Variants in FRMD5 observed in about 807,000 individuals in gnomAD.
FRMD5 encodes the protein FERM domain-containing protein 5.
Under a neutral mutation model 69.0 loss-of-function variants are expected in FRMD5, and 20 were observed. That is an observed-to-expected ratio of 0.29 (90% CI 0.20 to 0.42). The LOEUF (loss-of-function observed/expected upper bound fraction) is 0.42. Ranked by LOEUF, FRMD5 falls within the 10% of genes least tolerant of loss-of-function variation. The probability of loss-of-function intolerance (pLI) is 1.00; values close to 1 mark genes in which losing one functional copy is unlikely to be tolerated. For missense variants in FRMD5, 595 were observed against 708.6 expected (o/e 0.84, Z 1.82); for synonymous variants, 271 against 260.1 (o/e 1.04, Z -0.40).
intron 13 of FRMD5, among the ~76,000 whole-genome samples, chr15:43,881,019 A>T (rs1323577399): frequency 6.6e-6 from 1 of 152,152 alleles, no homozygotes; most frequent in African/African-American, 2.4e-5. Flanking sequence ...CCTACTTGGC[A>T]GCAACTCTCA....
intron 8 of FRMD5, among the ~76,000 whole-genome samples, chr15:43,891,029 C>G (rs1334869545): frequency 1.3e-5 from 2 of 152,192 alleles, no homozygotes; most frequent in Non-Finnish European, 2.9e-5. Flanking sequence ...GACTTCCCCC[C>G]ACTGAGCTCT....
intron 1 of FRMD5, among the ~76,000 whole-genome samples, chr15:44,125,367 A>T (rs1444341375): frequency 6.6e-6 from 1 of 152,198 alleles, no homozygotes; most frequent in Non-Finnish European, 1.5e-5. Context: ...ATTCTATCAG[A>T]GAAGAACAGG....
chr15:44,171,319 C>G (rs1005754462), intron 1 of FRMD5, among the ~76,000 whole-genome samples: 2 of 152,178 alleles, frequency 1.3e-5, no homozygotes, highest in African/African-American at 4.8e-5. Context: ...TATTTTAAAG[C>G]AGTCATTCTA....
chr15:44,144,300 T>G (rs554437665), intron 1 of FRMD5, among the ~76,000 whole-genome samples: 2 of 152,310 alleles, frequency 1.3e-5, no homozygotes, highest in East Asian at 3.9e-4. Flanking sequence ...AAAAGGAACT[T>G]GTAAGTAAAT....
At position 43,873,405 on chromosome 15, in the gene FRMD5, T is replaced by C. The variant is rs2088218468; in HGVS notation, c.*480A>G. The C allele has an allele frequency of 6.9e-7, 1 of 1,439,730 alleles. No homozygotes were observed. Among genetic ancestry groups the C allele is most frequent in the African/African-American group, 1.4e-5 (1 of 69,736 alleles). The allele number at this position is 1,439,730 out of a possible 1,614,324, so 89.2% of individuals were successfully genotyped here. ...GATCCCTGGCCTGCCCTGCTGAGGC[T>C]GCAGTGATGAGTCTACTGGAACCCA... On this transcript the variant is annotated 3_prime_UTR_variant, in exon 14 of 14. Transcript: ENST00000417257.
At chr15:44,192,401 T>G (rs2078211933) in intron 1 of FRMD5, among the ~76,000 whole-genome samples, 1 of 152,148 alleles carries the variant, frequency 6.6e-6, no homozygotes, top group Admixed American at 6.5e-5. Flanking sequence ...AATAGATACT[T>G]TATTTAAACA....
intron 1 of FRMD5, among the ~76,000 whole-genome samples, chr15:44,149,819 C>G (rs2077414645): frequency 6.6e-6 from 1 of 151,948 alleles, no homozygotes; most frequent in Admixed American, 6.6e-5. Flanking sequence ...GCAGCACTAC[C>G]CTAATAGCAA....
At chr15:43,969,582 T>C (rs1282635119) in intron 1 of FRMD5, among the ~76,000 whole-genome samples, 1 of 152,254 alleles carries the variant, frequency 6.6e-6, no homozygotes, top group African/African-American at 2.4e-5. Flanking sequence ...GTGGAATTTC[T>C]ATATATAAAT....
At chr15:44,194,621 C>T in intron 1 of FRMD5, 1 of 392,436 alleles carries the variant, frequency 2.5e-6, no homozygotes, top group East Asian at 6.8e-5. Flanking sequence ...CCCTACCCGC[C>T]TCCCTCCGGG....
chr15:44,058,582 C>T (rs184369537), intron 1 of FRMD5, among the ~76,000 whole-genome samples: 3 of 152,078 alleles, frequency 2.0e-5, no homozygotes, highest in South Asian at 2.1e-4. Flanking sequence ...GTCGGGAGAT[C>T]GAGACCATCC....
chr15:44,100,992 T>C (rs921674440), intron 1 of FRMD5, among the ~76,000 whole-genome samples: 2 of 151,320 alleles, frequency 1.3e-5, no homozygotes, highest in African/African-American at 4.9e-5. Flanking sequence ...CTACTAAAAA[T>C]ACAAAAATTA....
chr15:43,984,198 G>C (rs1889273725), intron 1 of FRMD5, among the ~76,000 whole-genome samples: 1 of 152,140 alleles, frequency 6.6e-6, no homozygotes, highest in Admixed American at 6.5e-5. Context: ...CAGAATTACA[G>C]GCAGACTCAT....
At chr15:44,112,125 G>A (rs2076805703) in intron 1 of FRMD5, among the ~76,000 whole-genome samples, 1 of 152,154 alleles carries the variant, frequency 6.6e-6, no homozygotes, top group Admixed American at 6.5e-5. Flanking sequence ...TTACAGGCGT[G>A]AGCCACAGCG....
intron 7 of FRMD5, among the ~76,000 whole-genome samples, chr15:43,895,616 A>T (rs2088894302): frequency 6.6e-6 from 1 of 152,214 alleles, no homozygotes; most frequent in Non-Finnish European, 1.5e-5. Flanking sequence ...GAACAATCCC[A>T]ATTGTTCCCA....
rs533023960 is a variant in FRMD5, at chr15:43,914,723, C to CTTTTTTTTTTTTTTTTTT, written c.329+4718_329+4735dup. On this transcript the variant is annotated intron_variant, in intron 4 of 13. Transcript: ENST00000417257. The stretch of plus-strand genomic sequence containing the variant: ...CCCAGCAACTCTATGAGGTGACTAC[C>CTTTTTTTTTTTTTTTTTT]TTTTTTTTTTTTTTTTTTTTTGAGA... Among the ~76,000 whole-genome samples, 141 of 109,366 alleles carry CTTTTTTTTTTTTTTTTTT rather than the reference C, an allele frequency of 1.3e-3. 33 individuals are homozygous for CTTTTTTTTTTTTTTTTTT. The highest frequency in any genetic ancestry group is 7.2e-3 in the African/African-American group (133 of 18,582). 71.7% of individuals were successfully genotyped at this position (109,366 alleles called of 152,430 possible). A position where few individuals can be genotyped will look rare whatever the true frequency, so the allele number is the denominator to read the frequency against.
intron 1 of FRMD5, among the ~76,000 whole-genome samples, chr15:44,109,860 T>C (rs962428732): frequency 6.6e-6 from 1 of 152,208 alleles, no homozygotes; most frequent in Non-Finnish European, 1.5e-5. Flanking sequence ...ACTGTCTCAA[T>C]AGTTTTTCCT....
At chr15:44,030,405 G>T (rs1338445600) in intron 1 of FRMD5, among the ~76,000 whole-genome samples, 1 of 152,006 alleles carries the variant, frequency 6.6e-6, no homozygotes, top group African/African-American at 2.4e-5. Flanking sequence ...TTGAGCAACA[G>T]TATAATGTAC....
chr15:43,900,641 A>G (rs1355354872), intron 7 of FRMD5, among the ~76,000 whole-genome samples: 3 of 146,692 alleles, frequency 2.0e-5, no homozygotes, highest in Admixed American at 2.0e-4. Context: ...TTTTTGAGAC[A>G]GAGTCTCGCT....
At chr15:44,078,943 C>CA (rs1451517201) in intron 1 of FRMD5, among the ~76,000 whole-genome samples, 1 of 151,986 alleles carries the variant, frequency 6.6e-6, no homozygotes, top group African/African-American at 2.4e-5. Context: ...AGGGCACTAT[C>CA]AAAGTCTGCC....
Sources: allele counts gnomAD v4.1 joint callset (sites outside exome capture counted in the v4.1 genomes callset), GRCh38; gene constraint gnomAD v4.1.1; transcripts MANE v1.5; gene names NCBI Gene and HGNC (gene_info 2026-07-23, HGNC 2026-07-21).